Variants in MNAT1 observed in about 807,000 individuals in gnomAD.
MNAT1 encodes MNAT1 component of CDK activating kinase.
MNAT1 carries 43 observed loss-of-function variants against 42.0 expected under a neutral mutation model. The ratio of observed to expected loss-of-function variants is 1.02; its 90% CI spans 0.80 to 1.32. MNAT1 has a LOEUF of 1.32. Among genes scored for constraint, MNAT1 ranks in the 40% most tolerant of loss-of-function variants. The pLI is 0.00. For synonymous variants in MNAT1, 118 were observed against 120.0 expected, an observed-to-expected ratio of 0.98 and a Z score of 0.11; for missense variants, 306 against 350.4, an observed-to-expected ratio of 0.87 and a Z score of 1.01.
intron 1 of MNAT1, among the ~76,000 whole-genome samples, chr14:60,750,626 T>C (rs985493718): frequency 6.6e-6 from 1 of 151,846 alleles, no homozygotes; most frequent in Non-Finnish European, 1.5e-5. Flanking sequence ...GTGGGCTTTA[T>C]TGTTAAATAA....
intron 7 of MNAT1, among the ~76,000 whole-genome samples, chr14:60,962,416 A>C (rs1044706249): frequency 2.0e-5 from 3 of 152,198 alleles, no homozygotes; most frequent in African/African-American, 7.2e-5. Flanking sequence ...TATAGACAGA[A>C]TCTATCCTTA....
chr14:60,968,338 C>A lies in MNAT1; in HGVS notation c.919C>A (p.Gln307Lys), dbSNP rs765576696. Reference sequence around the variant, plus strand: ...GGATGCATTCAGTGGGCTTTTCTGGCAGCCCAGTTAACCATTTATAAGATT... The same window carrying A: ...GGATGCATTCAGTGGGCTTTTCTGGAAGCCCAGTTAACCATTTATAAGATT... Reference protein sequence around the residue: ...LQDAFSGLFWQPS With the variant: ...LQDAFSGLFWKPS The change falls in exon 8 of 8, where the codon CAG (glutamine) becomes AAG (lysine). Residue 307 changes from glutamine to lysine, a missense_variant. Gln to Lys is a moderately conservative substitution (Grantham distance 53). Transcript: ENST00000261245. The A allele has an allele frequency of 5.0e-6, 8 of 1,611,236 alleles. No homozygotes were observed. Among genetic ancestry groups the A allele is most frequent in the Middle Eastern group, 1.6e-4 (1 of 6,070 alleles).
At chr14:60,911,743 A>G (rs550366604) in intron 7 of MNAT1, among the ~76,000 whole-genome samples, 200 of 152,262 alleles carry the variant, frequency 1.3e-3, no homozygotes, top group African/African-American at 3.4e-3. Flanking sequence ...ACTTCCAACT[A>G]TGTGGTCAGT....
intron 1 of MNAT1, among the ~76,000 whole-genome samples, chr14:60,752,594 G>T (rs1260048963): frequency 6.6e-6 from 1 of 151,998 alleles, no homozygotes; most frequent in Non-Finnish European, 1.5e-5. Flanking sequence ...GAGCCCAGGG[G>T]GTCAAGGCTG....
intron 7 of MNAT1, among the ~76,000 whole-genome samples, chr14:60,930,971 A>C (rs1223245583): frequency 3.3e-5 from 5 of 152,146 alleles, no homozygotes; most frequent in Admixed American, 3.3e-4. Flanking sequence ...AAGACGTTTA[A>C]ATAATTGAGA....
At chr14:60,960,251 G>A (rs1375094411) in intron 7 of MNAT1, among the ~76,000 whole-genome samples, 5 of 152,058 alleles carry the variant, frequency 3.3e-5, no homozygotes, top group Non-Finnish European at 7.4e-5. Flanking sequence ...TAGAAAGGAG[G>A]GGAAGAGAGT....
At chr14:60,741,018 C>T (rs1896444322) in intron 1 of MNAT1, among the ~76,000 whole-genome samples, 1 of 152,076 alleles carries the variant, frequency 6.6e-6, no homozygotes. Flanking sequence ...ATACTTTATG[C>T]ATTTTGGAAC....
intron 7 of MNAT1, among the ~76,000 whole-genome samples, chr14:60,937,210 T>C (rs1186499100): frequency 2.0e-5 from 3 of 152,244 alleles, no homozygotes; most frequent in Non-Finnish European, 4.4e-5. Flanking sequence ...TCTTTTGCTG[T>C]GCAGAAGCTC....
At chr14:60,772,627 C>G (rs2140308159) in intron 1 of MNAT1, among the ~76,000 whole-genome samples, 1 of 150,150 alleles carries the variant, frequency 6.7e-6, no homozygotes, top group Admixed American at 6.6e-5. Context: ...CTTGGCTTTC[C>G]AAAAAAAAAT....
intron 7 of MNAT1, among the ~76,000 whole-genome samples, chr14:60,905,935 G>A (rs2035188497): frequency 6.6e-6 from 1 of 152,154 alleles, no homozygotes; most frequent in African/African-American, 2.4e-5. Flanking sequence ...CTTTAGCCCA[G>A]TCAAGTTGAC....
At chr14:60,783,052 T>A (rs991850170) in intron 1 of MNAT1, among the ~76,000 whole-genome samples, 2 of 152,228 alleles carry the variant, frequency 1.3e-5, no homozygotes, top group Non-Finnish European at 2.9e-5. Context: ...CCCTAGTAGA[T>A]GTTCGTAGGT....
intron 7 of MNAT1, among the ~76,000 whole-genome samples, chr14:60,960,675 T>C (rs2036571079): frequency 6.6e-6 from 1 of 152,202 alleles, no homozygotes; most frequent in African/African-American, 2.4e-5. Context: ...ATCTATGTGA[T>C]TATGTGACTA....
At chr14:60,755,903 G>T (rs996984882) in intron 1 of MNAT1, among the ~76,000 whole-genome samples, 1 of 152,124 alleles carries the variant, frequency 6.6e-6, no homozygotes, top group Admixed American at 6.5e-5. Context: ...ATTACTCTGG[G>T]GTATAGAGAT....
intron 6 of MNAT1, among the ~76,000 whole-genome samples, chr14:60,876,588 GTTCC>G (rs2034440904): frequency 6.6e-6 from 1 of 151,926 alleles, no homozygotes; most frequent in Admixed American, 6.6e-5. Context: ...TCTTTCCCAT[GTTCC>G]TAGTCTATGG....
At chr14:60,959,519 C>T (rs915893026) in intron 7 of MNAT1, among the ~76,000 whole-genome samples, 11 of 23,124 alleles carry the variant, frequency 4.8e-4, no homozygotes, top group African/African-American at 8.6e-4. Context: ...TCTCCATTGC[C>T]ATGCCAGTGA....
intron 1 of MNAT1, among the ~76,000 whole-genome samples, chr14:60,773,196 C>T: frequency 6.6e-6 from 1 of 152,114 alleles, no homozygotes; most frequent in East Asian, 1.9e-4. Context: ...CTTTGCCTCC[C>T]AAAGTGTTGG....
At chr14:60,840,161 T>C (rs2139399388) in intron 6 of MNAT1, among the ~76,000 whole-genome samples, 1 of 152,370 alleles carries the variant, frequency 6.6e-6, no homozygotes, top group African/African-American at 2.4e-5. Flanking sequence ...TAGTTACATC[T>C]GCAAAATTTT....
intron 7 of MNAT1, among the ~76,000 whole-genome samples, chr14:60,911,453 G>A (rs575827162): frequency 6.6e-6 from 1 of 151,776 alleles, no homozygotes. Context: ...TTTCTCTTGT[G>A]GGCACTTAGT....
At chr14:60,939,755 G>A (rs1313426241) in intron 7 of MNAT1, among the ~76,000 whole-genome samples, 1 of 152,126 alleles carries the variant, frequency 6.6e-6, no homozygotes, top group African/African-American at 2.4e-5. Context: ...GGTCTGCTTG[G>A]TGCAGAGCTG....
Sources: gnomAD v4.1 joint callset for allele counts (sites outside exome capture counted in the v4.1 genomes callset) on GRCh38, gnomAD v4.1.1 for gene constraint, MANE v1.5 for transcripts, NCBI Gene and HGNC (gene_info 2026-07-23, HGNC 2026-07-21) for gene names.